The following FRMD4A variants were observed in gnomAD, a reference collection of about 807,000 sequenced individuals.
The protein encoded by FRMD4A is FERM domain-containing protein 4A.
Under a neutral mutation model 129.1 loss-of-function variants are expected in FRMD4A, and 29 were observed. The ratio of observed to expected loss-of-function variants is 0.22; its 90% CI spans 0.17 to 0.31. The LOEUF is 0.31. Among genes scored for constraint, FRMD4A ranks in the 10% least tolerant of loss-of-function variants. FRMD4A has a pLI of 1.00. For synonymous variants in FRMD4A, 634 were observed against 571.6 expected (o/e 1.11, Z -1.56); for missense variants, 1,272 against 1,375.8 (o/e 0.92, Z 1.19).
At chr10:13,707,471 G>A (rs1300196497) in intron 12 of FRMD4A, 2 of 1,022,102 alleles carry the variant, frequency 2.0e-6, no homozygotes, top group Non-Finnish European at 2.3e-6. Flanking sequence ...AGACCGGGGA[G>A]AGGGACCCAG....
chr10:14,193,656 C>A (rs1842387895), intron 2 of FRMD4A, among the ~76,000 whole-genome samples: 1 of 149,688 alleles, frequency 6.7e-6, no homozygotes, highest in African/African-American at 2.5e-5. Context: ...CAAAAAGTTG[C>A]AGTAGGGACC....
At chr10:14,150,833 T>C (rs1310156931) in intron 2 of FRMD4A, among the ~76,000 whole-genome samples, 10 of 152,148 alleles carry the variant, frequency 6.6e-5, no homozygotes, top group African/African-American at 9.7e-5. Context: ...TGAAACAAGG[T>C]GAAAACACAT....
intron 2 of FRMD4A, among the ~76,000 whole-genome samples, chr10:13,958,319 C>CT (rs1228371124): frequency 2.2e-5 from 3 of 135,584 alleles, no homozygotes; most frequent in Non-Finnish European, 4.6e-5. Flanking sequence ...GAGTCTCGCT[C>CT]GTCGCCCAGG....
chr10:14,149,179 C>T (rs561147918), intron 2 of FRMD4A, among the ~76,000 whole-genome samples: 14 of 152,150 alleles, frequency 9.2e-5, no homozygotes, highest in East Asian at 1.9e-4. Flanking sequence ...AAAACCCATG[C>T]TATGTAAGTA....
At chr10:13,674,761 T>C (rs148581049) in intron 16 of FRMD4A, 150 bp downstream of exon 16, 43 of 823,418 alleles carry the variant, frequency 5.2e-5, no homozygotes, top group Non-Finnish European at 6.8e-5. Flanking sequence ...GCCGCCCAGA[T>C]AGGCCCTCTT....
intron 2 of FRMD4A, among the ~76,000 whole-genome samples, chr10:13,945,145 A>G (rs747146550): frequency 1.8e-4 from 28 of 152,242 alleles, no homozygotes; most frequent in Non-Finnish European, 2.9e-4. Flanking sequence ...AAACTTAGAA[A>G]CAAAAGGGAA....
chr10:14,149,988 CA>C (rs1840261124), intron 2 of FRMD4A, among the ~76,000 whole-genome samples: 1 of 152,158 alleles, frequency 6.6e-6, no homozygotes, highest in African/African-American at 2.4e-5. Flanking sequence ...AGCTTATAAT[CA>C]TGGTGGAAGG....
intron 2 of FRMD4A, among the ~76,000 whole-genome samples, chr10:14,071,101 G>A (rs1413157605): frequency 6.6e-6 from 1 of 152,248 alleles, no homozygotes; most frequent in Non-Finnish European, 1.5e-5. Context: ...CTGGACACGA[G>A]TCCTTCTTAC....
At chr10:14,273,519 T>C (rs898391428) in intron 2 of FRMD4A, among the ~76,000 whole-genome samples, 3 of 152,208 alleles carry the variant, frequency 2.0e-5, no homozygotes, top group Non-Finnish European at 4.4e-5. Context: ...TGATGATTTT[T>C]TTTTAAGTGA....
chr10:14,164,731 T>C (rs926896469), intron 2 of FRMD4A, among the ~76,000 whole-genome samples: 2 of 152,198 alleles, frequency 1.3e-5, no homozygotes, highest in Non-Finnish European at 2.9e-5. Flanking sequence ...TGGTTTTGCA[T>C]CTATAAAATG....
At chr10:14,180,121 T>C (rs571866503) in intron 2 of FRMD4A, among the ~76,000 whole-genome samples, 1 of 152,288 alleles carries the variant, frequency 6.6e-6, no homozygotes, top group Admixed American at 6.5e-5. Flanking sequence ...GTGGCAGGTA[T>C]TCATTTTCAT....
intron 2 of FRMD4A, among the ~76,000 whole-genome samples, chr10:14,021,799 T>TA (rs1340789383): frequency 3.3e-5 from 5 of 152,136 alleles, no homozygotes; most frequent in Non-Finnish European, 5.9e-5. Context: ...CACCGATATC[T>TA]TACAATAACA....
At chr10:14,245,560 CT>C (rs1426444399) in intron 2 of FRMD4A, among the ~76,000 whole-genome samples, 1 of 152,104 alleles carries the variant, frequency 6.6e-6, no homozygotes, top group East Asian at 1.9e-4. Context: ...TCCCCGCTAC[CT>C]CAGAACGTGA....
chr10:14,184,315 A>T (rs1336262025), intron 2 of FRMD4A, among the ~76,000 whole-genome samples: 27 of 70,542 alleles, frequency 3.8e-4, no homozygotes, highest in Admixed American at 9.5e-4. Context: ...TTTTTTTTTT[A>T]GTAGAGATGG....
intron 2 of FRMD4A, among the ~76,000 whole-genome samples, chr10:14,045,118 G>C (rs557339854): frequency 6.6e-6 from 1 of 152,114 alleles, no homozygotes; most frequent in Non-Finnish European, 1.5e-5. Context: ...GCCCTGGCTG[G>C]TCTTGAACTC....
chr10:13,671,967 A>G (rs1444626657), intron 16 of FRMD4A, among the ~76,000 whole-genome samples: 1 of 152,282 alleles, frequency 6.6e-6, no homozygotes, highest in Non-Finnish European at 1.5e-5. Flanking sequence ...GCTTTTGCGC[A>G]GGGCAGCCCA....
rs758818761 is a variant in FRMD4A, at chr10:13,747,828, G to C, written c.465-9C>G. The stretch of plus-strand genomic sequence containing the variant: ...TCCTCACAACTTCATTGCTGAAAGA[G>C]AGAATGCCCAGAAACGCACTCACCC... On this transcript the variant is annotated splice_polypyrimidine_tract_variant and intron_variant, in intron 8 of 24. Coordinates refer to ENST00000357447, the MANE Select transcript of FRMD4A (RefSeq NM_018027.5). The C allele has an allele frequency of 6.5e-5, 99 of 1,525,798 alleles. No homozygotes were observed. The highest frequency in any genetic ancestry group is 9.0e-5 in the East Asian group (4 of 44,476). The allele number at this position is 1,525,798 out of a possible 1,614,324, so 94.5% of individuals were successfully genotyped here.
chr10:14,243,508 T>C (rs1161367638), intron 2 of FRMD4A, among the ~76,000 whole-genome samples: 1 of 152,160 alleles, frequency 6.6e-6, no homozygotes. Flanking sequence ...CTCAGGCAGT[T>C]CTTTAAAGCA....
intron 2 of FRMD4A, among the ~76,000 whole-genome samples, chr10:13,944,176 C>T (rs1015736313): frequency 5.3e-5 from 8 of 152,276 alleles, no homozygotes; most frequent in South Asian, 2.1e-4. Flanking sequence ...GGAGGCGAGC[C>T]GTGAGAGAGT....
Sources: gnomAD v4.1 joint callset for allele counts (sites outside exome capture counted in the v4.1 genomes callset) on GRCh38, gnomAD v4.1.1 for gene constraint, MANE v1.5 for transcripts, NCBI Gene and HGNC (gene_info 2026-07-23, HGNC 2026-07-21) for gene names.